The following TRAPPC9 variants were observed in gnomAD, a reference collection of about 807,000 sequenced individuals.
TRAPPC9 encodes the protein IKK2 binding protein.
A neutral mutation model predicts 124.0 loss-of-function variants in TRAPPC9; 83 were observed. That is an observed-to-expected ratio of 0.67 (90% confidence interval 0.56 to 0.80). TRAPPC9 has a LOEUF of 0.80. TRAPPC9 is among the 30% of genes least tolerant of loss of function. TRAPPC9 has a pLI of 0.00. For missense variants in TRAPPC9, 1,302 were observed against 1,508.3 expected (o/e 0.86, Z 2.27); for synonymous variants, 638 against 617.5 (o/e 1.03, Z -0.49).
At chr8:139,925,926 C>A (rs1832793288) in intron 19 of TRAPPC9, among the ~76,000 whole-genome samples, 1 of 152,182 alleles carries the variant, frequency 6.6e-6, no homozygotes, top group Non-Finnish European at 1.5e-5. Context: ...TTGAGCCACA[C>A]ACGTGTCTCA....
At chr8:139,768,150 T>C (rs1008422809) in intron 21 of TRAPPC9, among the ~76,000 whole-genome samples, 5 of 152,282 alleles carry the variant, frequency 3.3e-5, no homozygotes, top group Admixed American at 2.6e-4. Context: ...AAAGGAATAC[T>C]ATGTAGCCAT....
chr8:139,781,863 A>C (rs1446796858), intron 21 of TRAPPC9, among the ~76,000 whole-genome samples: 1 of 152,202 alleles, frequency 6.6e-6, no homozygotes, highest in East Asian at 1.9e-4. Flanking sequence ...ATCCAAAACA[A>C]GTCAGGAAAA....
In TRAPPC9 at chr8:140,283,895, A is replaced by G; in HGVS notation, c.2108T>C (p.Leu703Pro). 1 of 1,613,844 alleles carries G rather than the reference A, an allele frequency of 6.2e-7. No homozygotes were observed. The highest frequency in any genetic ancestry group is 1.1e-5 in the South Asian group (1 of 91,052). ...TGACCCTCGTGCACACTACCTGGGCAGAGAGGTGCTGATCTGCAGTCTTGG... is the reference window on the plus strand; with the variant it reads ...TGACCCTCGTGCACACTACCTGGGCGGAGAGGTGCTGATCTGCAGTCTTGG... ...ALPRLQISTS[L>P]PRSAHSLQPS... The change falls in exon 14 of 23, where the codon CTG becomes CCG. Residue 703 changes from leucine (L) to proline (P), a missense_variant. By Grantham distance (98) the Leu-to-Pro change is moderately conservative. Transcript: ENST00000438773.
chr8:139,955,545 A>G (rs1346781522), intron 19 of TRAPPC9, among the ~76,000 whole-genome samples: 1 of 152,168 alleles, frequency 6.6e-6, no homozygotes, highest in Non-Finnish European at 1.5e-5. Flanking sequence ...CAAATGCTCT[A>G]AGACAGGAAG....
chr8:140,223,267 G>A (rs528841501), intron 16 of TRAPPC9, among the ~76,000 whole-genome samples: 7 of 152,148 alleles, frequency 4.6e-5, no homozygotes, highest in South Asian at 2.1e-4. Flanking sequence ...CAGAACATGC[G>A]GTGTTTGGTT....
chr8:140,449,985 A>G (rs568551290), intron 2 of TRAPPC9, among the ~76,000 whole-genome samples: 1 of 152,380 alleles, frequency 6.6e-6, no homozygotes, highest in Non-Finnish European at 1.5e-5. Flanking sequence ...AACAGTTGAT[A>G]CTGATTTTTA....
chr8:139,833,032 G>A (rs911474404), intron 21 of TRAPPC9, among the ~76,000 whole-genome samples: 1 of 152,180 alleles, frequency 6.6e-6, no homozygotes, highest in Non-Finnish European at 1.5e-5. Context: ...GTTTGAGATG[G>A]AGGGGCCACG....
chr8:140,261,334 T>C (rs73714834), intron 15 of TRAPPC9, among the ~76,000 whole-genome samples: 14,650 of 152,258 alleles, frequency 0.096, 1,095 homozygotes, highest in African/African-American at 0.21. Flanking sequence ...ATAAAGAAGA[T>C]GTAGCCCCTG....
chr8:139,910,627 C>A (rs555516046), intron 19 of TRAPPC9, among the ~76,000 whole-genome samples: 3 of 152,136 alleles, frequency 2.0e-5, no homozygotes, highest in African/African-American at 7.2e-5. Flanking sequence ...AGCTGGATGG[C>A]GACTTAAACT....
intron 21 of TRAPPC9, among the ~76,000 whole-genome samples, chr8:139,766,908 C>T (rs1820620929): frequency 6.6e-6 from 1 of 152,260 alleles, no homozygotes. Context: ...AGACCTGTGG[C>T]TACAGCACTT....
At chr8:140,145,105 A>G (rs1346323208) in intron 17 of TRAPPC9, among the ~76,000 whole-genome samples, 2 of 151,624 alleles carry the variant, frequency 1.3e-5, no homozygotes, top group African/African-American at 4.8e-5. Context: ...CAAACTCCTG[A>G]CCTCAGGTGA....
chr8:140,024,885 A>G (rs1237741364), intron 17 of TRAPPC9, among the ~76,000 whole-genome samples: 1 of 152,210 alleles, frequency 6.6e-6, no homozygotes, highest in Non-Finnish European at 1.5e-5. Flanking sequence ...GACAGTGAGT[A>G]AAAGCCGACA....
intron 14 of TRAPPC9, among the ~76,000 whole-genome samples, chr8:140,279,013 T>C (rs1475576221): frequency 6.6e-6 from 1 of 152,228 alleles, no homozygotes; most frequent in Non-Finnish European, 1.5e-5. Context: ...TCCTGCGCCA[T>C]GGTCTGTATT....
At chr8:139,887,443 T>G (rs907178031) in intron 20 of TRAPPC9, among the ~76,000 whole-genome samples, 9 of 152,254 alleles carry the variant, frequency 5.9e-5, no homozygotes, top group African/African-American at 2.2e-4. Flanking sequence ...AGGCTGGTCT[T>G]GAACTCCTGA....
At chr8:139,970,726 TCAAGGG>T (rs1836004139) in intron 19 of TRAPPC9, among the ~76,000 whole-genome samples, 3 of 152,136 alleles carry the variant, frequency 2.0e-5, no homozygotes, top group African/African-American at 7.2e-5. Flanking sequence ...GACCTAAGTG[TCAAGGG>T]CCAAATTCAG....
Position 139,800,586 on chromosome 8 carries a change from G to A in TRAPPC9, c.3056-68384C>T, listed in dbSNP as rs111627643. Reference sequence around the variant, plus strand: ...AGGAACTGACAGCTGTTCCCGAGGCGGCCACTACCACTGCCCCAGAAGGCA... The same window carrying A: ...AGGAACTGACAGCTGTTCCCGAGGCAGCCACTACCACTGCCCCAGAAGGCA... On this transcript the variant is annotated intron_variant, in intron 21 of 22. Transcript: ENST00000438773. Among the ~76,000 whole-genome samples, 977 of 152,262 alleles carry A rather than the reference G, an allele frequency of 6.4e-3. 9 individuals carry two copies. The highest frequency in any genetic ancestry group is 0.022 in the African/African-American group (922 of 41,548).
intron 9 of TRAPPC9, among the ~76,000 whole-genome samples, chr8:140,336,823 C>A (rs935486788): frequency 2.0e-5 from 3 of 152,140 alleles, no homozygotes; most frequent in African/African-American, 4.8e-5. Context: ...CTAACCAGGG[C>A]CGTGACGATG....
At chr8:140,253,548 C>T (rs2064177705) in intron 15 of TRAPPC9, among the ~76,000 whole-genome samples, 2 of 152,086 alleles carry the variant, frequency 1.3e-5, no homozygotes, top group East Asian at 1.9e-4. Context: ...TGTGGCAGCG[C>T]GCCTCTGTAA....
chr8:140,003,734 CT>C (rs1459281396), intron 18 of TRAPPC9, among the ~76,000 whole-genome samples: 1 of 152,088 alleles, frequency 6.6e-6, no homozygotes, highest in African/African-American at 2.4e-5. Context: ...CACTTATCCA[CT>C]GCTAGTAGAG....
Sources: allele counts gnomAD v4.1 joint callset (sites outside exome capture counted in the v4.1 genomes callset), GRCh38; gene constraint gnomAD v4.1.1; transcripts MANE v1.5; gene names NCBI Gene and HGNC (gene_info 2026-07-23, HGNC 2026-07-21).